The following SPECC1 variants were observed in gnomAD, a reference collection of about 807,000 sequenced individuals.
SPECC1 encodes sperm antigen with calponin homology and coiled-coil domains 1, also known as cytospin-B.
In SPECC1, 62 loss-of-function variants were observed where a neutral mutation model predicts 104.1. The observed-to-expected ratio is 0.60, with a 90% CI of 0.49 to 0.74. The LOEUF is 0.74. Ranked by LOEUF, SPECC1 falls within the 30% of genes least tolerant of loss-of-function variation. The probability of loss-of-function intolerance (pLI) is 0.00; values close to 1 mark genes in which losing one functional copy is unlikely to be tolerated. For missense variants in SPECC1, 1,306 were observed against 1,310.5 expected, an observed-to-expected ratio of 1.00 and a Z score of 0.05; for synonymous variants, 513 against 501.6, an observed-to-expected ratio of 1.02 and a Z score of -0.30.
intron 9 of SPECC1, among the ~76,000 whole-genome samples, chr17:20,253,086 G>T (rs1024838560): frequency 6.6e-6 from 1 of 151,394 alleles, no homozygotes. Context: ...GTGAGGTGGC[G>T]TGTCACTGTG....
At chr17:20,107,350 C>A (rs776759992) in intron 2 of SPECC1, among the ~76,000 whole-genome samples, 13 of 150,932 alleles carry the variant, frequency 8.6e-5, no homozygotes, top group Non-Finnish European at 1.8e-4. Flanking sequence ...GTGGCTCATA[C>A]CGATAATACC....
At chr17:20,101,189 G>A (rs1597701252) in intron 2 of SPECC1, among the ~76,000 whole-genome samples, 1 of 152,152 alleles carries the variant, frequency 6.6e-6, no homozygotes, top group East Asian at 1.9e-4. Flanking sequence ...CCAATAATGA[G>A]ATTGCTGGGT....
At chr17:20,043,380 A>G (rs781549011) in intron 1 of SPECC1, among the ~76,000 whole-genome samples, 1 of 152,218 alleles carries the variant, frequency 6.6e-6, no homozygotes, top group Non-Finnish European at 1.5e-5. Context: ...CTAGGTGAAT[A>G]TATTAAGGTT....
At chr17:20,126,112 G>A (rs1319630695) in intron 3 of SPECC1, among the ~76,000 whole-genome samples, 1 of 152,072 alleles carries the variant, frequency 6.6e-6, no homozygotes, top group Non-Finnish European at 1.5e-5. Flanking sequence ...TTTCCATCCA[G>A]GTCCTGGCTG....
intron 3 of SPECC1, among the ~76,000 whole-genome samples, chr17:20,136,570 T>C (rs2030001862): frequency 6.6e-6 from 1 of 152,214 alleles, no homozygotes; most frequent in South Asian, 2.1e-4. Context: ...GTTTTGCTCC[T>C]GCCCCTTTGC....
intron 3 of SPECC1, among the ~76,000 whole-genome samples, chr17:20,139,703 T>C (rs1376674572): frequency 6.6e-6 from 1 of 152,212 alleles, no homozygotes; most frequent in Non-Finnish European, 1.5e-5. Flanking sequence ...AGACGAAATC[T>C]CGCTCTTGTC....
chr17:20,138,649 C>T (rs1421660992), intron 3 of SPECC1, among the ~76,000 whole-genome samples: 3 of 152,162 alleles, frequency 2.0e-5, no homozygotes, highest in Admixed American at 6.6e-5. Context: ...TGGCTTCTTT[C>T]ACTTAGTAAT....
chr17:20,013,258 A>G (rs1411375008), intron 1 of SPECC1, among the ~76,000 whole-genome samples: 1 of 152,150 alleles, frequency 6.6e-6, no homozygotes, highest in Admixed American at 6.5e-5. Flanking sequence ...TTCTATTTTT[A>G]ATTTTTTGAT....
At chr17:20,256,698 C>T (rs186464990) in intron 10 of SPECC1, among the ~76,000 whole-genome samples, 91 of 152,200 alleles carry the variant, frequency 6.0e-4, no homozygotes, top group African/African-American at 2.0e-3. Flanking sequence ...TCTCCTGTTC[C>T]GCACTTTTAT....
At chr17:20,034,937 T>C (rs1021613203) in intron 1 of SPECC1, among the ~76,000 whole-genome samples, 3 of 152,188 alleles carry the variant, frequency 2.0e-5, no homozygotes, top group African/African-American at 4.8e-5. Context: ...GTATATCTTA[T>C]GTTTAGTCCT....
chr17:20,247,347 C>G, intron 9 of SPECC1, 28 bp downstream of exon 9: 1 of 1,529,626 alleles, frequency 6.5e-7, no homozygotes, highest in Non-Finnish European at 9.0e-7. Context: ...ATAACCACTG[C>G]TTATGGTTTG....
In SPECC1 at chr17:20,292,017, C is replaced by T. The variant is rs115124271; in HGVS notation, c.2941-4944C>T. ...GTGTACACAGATGCCTTGAGATCAG[C>T]ATAATGTAAACGTCAAAACGGGTTT... On this transcript the variant is annotated intron_variant, in intron 12 of 14. Coordinates refer to ENST00000395527, the MANE Select transcript of SPECC1 (RefSeq NM_001243439.2). 4.4e-3 allele frequency among the ~76,000 whole-genome samples: 663 copies of T among 151,594 alleles called. 3 individuals carry two copies. The highest frequency in any genetic ancestry group is 0.014 in the African/African-American group (594 of 41,236).
At chr17:20,010,221 A>C (rs1369934357) in intron 1 of SPECC1, 1 of 150,952 alleles carries the variant, frequency 6.6e-6, no homozygotes, top group Non-Finnish European at 1.5e-5. Context: ...CCAGCACGTA[A>C]GTTTATGTAA....
intron 4 of SPECC1, among the ~76,000 whole-genome samples, chr17:20,213,385 G>A (rs141916399): frequency 1.7e-3 from 263 of 152,238 alleles, no homozygotes; most frequent in Middle Eastern, 6.8e-3. Flanking sequence ...GTGAGCCAAC[G>A]TACCCAGAGC....
intron 1 of SPECC1, among the ~76,000 whole-genome samples, chr17:20,063,685 C>T (rs1427761612): frequency 8.5e-5 from 13 of 152,174 alleles, no homozygotes; most frequent in African/African-American, 3.1e-4. Flanking sequence ...TCCTCACTCC[C>T]AACTGCCATC....
At chr17:20,177,865 A>G (rs889034895) in intron 3 of SPECC1, among the ~76,000 whole-genome samples, 10 of 151,852 alleles carry the variant, frequency 6.6e-5, no homozygotes, top group Non-Finnish European at 1.3e-4. Context: ...ATGTGCCACC[A>G]CGCCCGGCTA....
At chr17:20,030,465 C>A (rs2152441473) in intron 1 of SPECC1, among the ~76,000 whole-genome samples, 1 of 151,586 alleles carries the variant, frequency 6.6e-6, no homozygotes, top group African/African-American at 2.4e-5. Flanking sequence ...ACTTTACTAT[C>A]TGTAGTAATT....
In SPECC1 at chr17:20,226,205, TAATAA is replaced by T. The variant is rs566113615; in HGVS notation, c.1864-1202_1864-1198del. ...GATGTTTATTGCAGCATTTTTGTAA[TAATAA>T]AATAATATAGTCAAACAGTGGAATA... is the stretch of plus-strand genomic sequence containing the variant. On this transcript the variant is annotated intron_variant, in intron 4 of 14. Transcript: ENST00000395527. Among the ~76,000 whole-genome samples, 140 of 152,310 alleles carry T rather than the reference TAATAA, an allele frequency of 9.2e-4. 2 individuals carry two copies. The South Asian group carries it at 0.022, about 24-fold the overall frequency.
At chr17:20,306,649 C>T (rs1240440256) in intron 14 of SPECC1, among the ~76,000 whole-genome samples, 8 of 152,296 alleles carry the variant, frequency 5.3e-5, no homozygotes, top group South Asian at 2.1e-4. Context: ...GGATTGTGTG[C>T]GCACGTGCGC....
Sources: allele counts gnomAD v4.1 joint callset (sites outside exome capture counted in the v4.1 genomes callset), GRCh38; gene constraint gnomAD v4.1.1; transcripts MANE v1.5; gene names NCBI Gene and HGNC (gene_info 2026-07-23, HGNC 2026-07-21).